RNF157: variants seen among roughly 807,000 people sequenced by gnomAD.
The protein encoded by RNF157 is ring finger protein 157, also known as E3 ubiquitin ligase RNF157.
Under a neutral mutation model 88.3 loss-of-function variants are expected in RNF157, and 55 were observed. That is an observed-to-expected ratio of 0.62 (90% CI 0.50 to 0.78). RNF157 has a LOEUF of 0.78. Among genes scored for constraint, RNF157 ranks in the 30% least tolerant of loss-of-function variants. The probability of loss-of-function intolerance (pLI) is 0.00; values close to 1 mark genes in which losing one functional copy is unlikely to be tolerated. For missense variants in RNF157, 788 were observed against 860.8 expected (o/e 0.92, Z 1.06); for synonymous variants, 334 against 341.2 (o/e 0.98, Z 0.23).
intron 2 of RNF157, among the ~76,000 whole-genome samples, chr17:76,197,610 C>T (rs2069499064): frequency 6.6e-6 from 1 of 152,022 alleles, no homozygotes; most frequent in Admixed American, 6.6e-5. Flanking sequence ...AATATGGTAC[C>T]CAGGCTTGGA....
chr17:76,161,696 A>G lies in RNF157; in HGVS notation c.953-49T>C. ...CAGGACATCCTGATACAGGATTAAGAATGAACAAGAGCCCAGACAGAAACC... is the reference window on the plus strand; with the variant it reads ...CAGGACATCCTGATACAGGATTAAGGATGAACAAGAGCCCAGACAGAAACC... On this transcript the variant is annotated intron_variant, in intron 10 of 18. Transcript: ENST00000269391. The surrounding 1 kb of genome is among the most constrained non-coding windows in gnomAD (Gnocchi z 4.6). 6.4e-7 allele frequency: 1 copy of G among 1,561,522 alleles called. No homozygotes were observed. Among genetic ancestry groups the G allele is most frequent in the South Asian group, 1.1e-5 (1 of 88,786 alleles).
rs2069456428 is a variant in RNF157 at position 76,195,027 on chromosome 17, C to T, written c.207+17337G>A. 6.6e-6 allele frequency among the ~76,000 whole-genome samples: 1 copy of T among 151,812 alleles called. No homozygotes were observed. ...GAGACTCTGTCTCAAAAAAACAAAA[C>T]AAAACACAAGAGCAGAGGGAATGGG... On this transcript the variant is annotated intron_variant, in intron 2 of 18. Transcript: ENST00000269391. This position sits in a 1 kb window ranked among gnomAD's most constrained non-coding sequence, Gnocchi z 4.4.
rs2070359039 is a variant in RNF157 at position 76,240,326 on chromosome 17, GCGGGGGCCGACTGCCCGCCGCGGCCGGCT to G, written c.-115_-87del. The G allele has an allele frequency of 1.7e-6, 1 of 603,240 alleles. No homozygotes were observed. The highest frequency in any genetic ancestry group is 2.0e-5 in the African/African-American group (1 of 49,332). The allele number at this position is 603,240 out of a possible 1,614,324, so 37.4% of individuals were successfully genotyped here. A position where few individuals can be genotyped will look rare whatever the true frequency, so the allele number is the denominator to read the frequency against. On this transcript the variant is annotated 5_prime_UTR_variant, in exon 1 of 19. An upstream open reading frame in the 5' UTR loses its in-frame stop. Transcript: ENST00000269391. This position sits in a 1 kb window ranked among gnomAD's most constrained non-coding sequence, Gnocchi z 4.4. Reference sequence around the variant, plus strand: ...CGCGGCCGCCCGCCCCGCGCCCGGTGCGGGGGCCGACTGCCCGCCGCGGCCGGCTCCGCTGCGGCGCTGCGGCTCTGGCG... The same window carrying G: ...CGCGGCCGCCCGCCCCGCGCCCGGTGCCGCTGCGGCGCTGCGGCTCTGGCG...
Position 76,156,199 on chromosome 17 carries a change from T to A in RNF157, c.1525+11A>T. The A allele has an allele frequency of 1.2e-6, 2 of 1,603,644 alleles. No individual in the cohort carries two copies. The highest frequency in any genetic ancestry group is 1.7e-6 in the Non-Finnish European group (2 of 1,170,616). The stretch of plus-strand genomic sequence containing the variant: ...GGAAGGACATGCAGCCACTCCCCGC[T>A]CCTTATGTACCTTCTGGGGAGGAAA... On this transcript the variant is annotated intron_variant, in intron 14 of 18. Transcript: ENST00000269391.
At position 76,144,194 on chromosome 17, in the gene RNF157, C is replaced by T. The variant is rs1376532522; in HGVS notation, c.*1041G>A. On this transcript the variant is annotated 3_prime_UTR_variant, in exon 19 of 19. Transcript: ENST00000269391. ...CCAGTGCTTGGCACACAGAGGTGGT[C>T]AACACATGTGTTTCTTGAAATGTCA... 2 of 152,218 alleles carry T rather than the reference C, an allele frequency of 1.3e-5. No individual in the cohort carries two copies. Among genetic ancestry groups the T allele is most frequent in the Admixed American group, 6.5e-5 (1 of 15,284 alleles). 9.4% of individuals were successfully genotyped at this position (152,218 alleles called of 1,614,324 possible). A position where few individuals can be genotyped will look rare whatever the true frequency, so the allele number is the denominator to read the frequency against.
intron 1 of RNF157, among the ~76,000 whole-genome samples, chr17:76,237,031 C>T (rs1017288234): frequency 7.2e-5 from 11 of 152,180 alleles, no homozygotes; most frequent in Admixed American, 6.5e-4. Flanking sequence ...TCACTGTACA[C>T]GTTTTCATTC....
rs1181359175 is a variant in RNF157, at chr17:76,158,395, CTCCG to C, written c.1407_1410del (p.Gly470ArgfsTer5). ...AAGAGGAGAGGAATGTCAATTACCT[CTCCG>C]AGATGCTGAACCGACGGTCTCTGAG... On this transcript the variant is annotated frameshift_variant, in exon 13 of 19. Coordinates refer to ENST00000269391, the MANE Select transcript of RNF157 (RefSeq NM_052916.3). LOFTEE classifies it high-confidence loss of function. The C allele has an allele frequency of 6.2e-7, 1 of 1,607,964 alleles. No homozygotes were observed. The highest frequency in any genetic ancestry group is 1.3e-5 in the African/African-American group (1 of 74,898).
chr17:76,181,314 A>T (rs1488614715), intron 2 of RNF157, among the ~76,000 whole-genome samples: 1 of 152,198 alleles, frequency 6.6e-6, no homozygotes, highest in Non-Finnish European at 1.5e-5. Flanking sequence ...CTATGCTTAG[A>T]TGGCAGTATG....
intron 2 of RNF157, among the ~76,000 whole-genome samples, chr17:76,185,659 C>T (rs1047291627): frequency 6.6e-6 from 1 of 151,814 alleles, no homozygotes; most frequent in South Asian, 2.1e-4. Context: ...TCAGTAGAGA[C>T]GGGGTTTCAC....
At chr17:76,239,175 G>C (rs946228960) in intron 1 of RNF157, among the ~76,000 whole-genome samples, 1 of 152,162 alleles carries the variant, frequency 6.6e-6, no homozygotes, top group Non-Finnish European at 1.5e-5. Context: ...CAGAAGTCTT[G>C]AGAATAAAAT....
In RNF157 at chr17:76,232,855, G is replaced by A. The variant is rs1012141889; in HGVS notation, c.88+7298C>T. On this transcript the variant is annotated intron_variant, in intron 1 of 18. Coordinates refer to ENST00000269391, the MANE Select transcript of RNF157 (RefSeq NM_052916.3). ...TATTTCCCTAATGGCTGCTGATGTTGAGTATCTTTCCATGTGTTCATCAGC... is the reference window on the plus strand; with the variant it reads ...TATTTCCCTAATGGCTGCTGATGTTAAGTATCTTTCCATGTGTTCATCAGC... Among the ~76,000 whole-genome samples, 6 of 152,036 alleles carry A rather than the reference G, an allele frequency of 3.9e-5. No individual in the cohort carries two copies. In the East Asian group the frequency reaches 7.7e-4, roughly 19 times the overall value.
rs2068838655 is a variant in RNF157 at position 76,161,099 on chromosome 17, A to G, written c.1065+436T>C. On this transcript the variant is annotated intron_variant, in intron 11 of 18. Transcript: ENST00000269391. The surrounding 1 kb of genome is among the most constrained non-coding windows in gnomAD (Gnocchi z 4.6). ...AGGTTTCACCCTAATATCAGCACTT[A>G]CACTAGGAAACTGAAGTCAGTTACT... is the stretch of plus-strand genomic sequence containing the variant. Among the ~76,000 whole-genome samples, 1 of 152,232 alleles carries G rather than the reference A, an allele frequency of 6.6e-6. No individual in the cohort carries two copies.
chr17:76,231,154 C>T (rs901927064), intron 1 of RNF157, among the ~76,000 whole-genome samples: 5 of 152,008 alleles, frequency 3.3e-5, no homozygotes, highest in Admixed American at 2.0e-4. Flanking sequence ...CCGGCCACAA[C>T]GCCCAGCTAA....
At chr17:76,178,276 T>C (rs1264593350) in intron 2 of RNF157, among the ~76,000 whole-genome samples, 2 of 152,234 alleles carry the variant, frequency 1.3e-5, no homozygotes, top group Non-Finnish European at 2.9e-5. Context: ...ATCTCCAAGC[T>C]TCCGGGTGCC....
At chr17:76,201,308 A>AG (rs2069572821) in intron 2 of RNF157, among the ~76,000 whole-genome samples, 1 of 143,996 alleles carries the variant, frequency 6.9e-6, no homozygotes, top group South Asian at 2.2e-4. Context: ...CAACATAGTG[A>AG]GACCCTAGTC....
Position 76,155,744 on chromosome 17 carries a change from C to T in RNF157, c.1526-10G>A. The T allele has an allele frequency of 6.5e-7, 1 of 1,541,240 alleles. No homozygotes were observed. Among genetic ancestry groups the T allele is most frequent in the Non-Finnish European group, 8.7e-7 (1 of 1,143,084 alleles). On this transcript the variant is annotated splice_polypyrimidine_tract_variant and intron_variant, in intron 14 of 18. Transcript: ENST00000269391. ...CTGCTGCTGGCAGGGCCTTTGGAGACAGGGGATGGGGAAAGGAGCCTGGAG... is the reference window on the plus strand; with the variant it reads ...CTGCTGCTGGCAGGGCCTTTGGAGATAGGGGATGGGGAAAGGAGCCTGGAG...
intron 16 of RNF157, 70 bp downstream of exon 16, chr17:76,155,182 G>A (rs967952166): frequency 7.2e-7 from 1 of 1,380,274 alleles, no homozygotes; most frequent in Non-Finnish European, 1.0e-6. Flanking sequence ...GTCCTTACTG[G>A]CATCCCCAGC....
chr17:76,222,621 C>T (rs1034068018), intron 1 of RNF157, among the ~76,000 whole-genome samples: 14 of 152,176 alleles, frequency 9.2e-5, no homozygotes, highest in African/African-American at 1.9e-4. Flanking sequence ...TATTCTCTTA[C>T]GTCCATTTTT....
chr17:76,223,528 C>T (rs2070025762), intron 1 of RNF157, among the ~76,000 whole-genome samples: 1 of 152,130 alleles, frequency 6.6e-6, no homozygotes, highest in Non-Finnish European at 1.5e-5. Context: ...TCTTCCTTTT[C>T]CTGTACTGTA....
Sources: gnomAD v4.1 joint callset for allele counts (sites outside exome capture counted in the v4.1 genomes callset) on GRCh38, gnomAD v4.1.1 for gene constraint, Gnocchi (gnomAD v3.1) non-coding constraint, MANE v1.5 for transcripts, NCBI Gene and HGNC (gene_info 2026-07-23, HGNC 2026-07-21) for gene names.